The following LHFPL6 variants were observed in gnomAD, a reference collection of about 807,000 sequenced individuals.
The protein encoded by LHFPL6 is LHFPL tetraspan subfamily member 6 protein.
LHFPL6 carries 9 observed loss-of-function variants against 20.6 expected under a neutral mutation model. That is an observed-to-expected ratio of 0.44 (90% CI 0.26 to 0.76). The LOEUF (loss-of-function observed/expected upper bound fraction) is 0.76, where lower values mean the gene tolerates loss of function less well. LHFPL6 is among the 30% of genes least tolerant of loss of function. The pLI, the probability that LHFPL6 is intolerant of heterozygous loss-of-function variation, is 0.20. For missense variants in LHFPL6, 218 were observed against 253.5 expected (o/e 0.86, Z 0.95); for synonymous variants, 105 against 98.7 (o/e 1.06, Z -0.38).
At chr13:39,494,146 A>C (rs1393807932) in intron 2 of LHFPL6, among the ~76,000 whole-genome samples, 8 of 152,202 alleles carry the variant, frequency 5.3e-5, no homozygotes, top group Non-Finnish European at 1.5e-5. Flanking sequence ...GGTGGTGTTC[A>C]TTTATAGTCA....
intron 2 of LHFPL6, among the ~76,000 whole-genome samples, chr13:39,536,915 A>T (rs2138500138): frequency 6.6e-6 from 1 of 152,210 alleles, no homozygotes; most frequent in South Asian, 2.1e-4. Context: ...TCAACTCCTG[A>T]CCCTTAGCTG....
chr13:39,426,994 CTTTA>C (rs1373876962), intron 2 of LHFPL6, among the ~76,000 whole-genome samples: 1 of 150,884 alleles, frequency 6.6e-6, no homozygotes, highest in East Asian at 1.9e-4. Context: ...ATTGTTCTAG[CTTTA>C]TTTATTTAAA....
At chr13:39,496,347 T>A (rs1458978602) in intron 2 of LHFPL6, among the ~76,000 whole-genome samples, 1 of 152,098 alleles carries the variant, frequency 6.6e-6, no homozygotes, top group African/African-American at 2.4e-5. Context: ...TCAACCCTCA[T>A]GACTTAATCA....
intron 2 of LHFPL6, among the ~76,000 whole-genome samples, chr13:39,395,562 T>C (rs1054365696): frequency 6.6e-5 from 10 of 152,200 alleles, no homozygotes; most frequent in African/African-American, 2.4e-4. Context: ...CTGGGCAAAC[T>C]ATTCCCAAGA....
intron 2 of LHFPL6, among the ~76,000 whole-genome samples, chr13:39,536,693 A>C (rs1870629792): frequency 6.6e-6 from 1 of 152,146 alleles, no homozygotes; most frequent in African/African-American, 2.4e-5. Context: ...ATCTTTCATC[A>C]GTATTTCCCT....
intron 3 of LHFPL6, among the ~76,000 whole-genome samples, chr13:39,374,655 G>T (rs758810239): frequency 1.3e-5 from 2 of 152,166 alleles, no homozygotes; most frequent in Non-Finnish European, 2.9e-5. Context: ...ACCCTTTATA[G>T]AAGTGTTTGC....
chr13:39,507,889 C>CCCTTCCTTCCTTCCTTCCTT (rs142738046), intron 2 of LHFPL6, among the ~76,000 whole-genome samples: 10 of 143,616 alleles, frequency 7.0e-5, no homozygotes, highest in Middle Eastern at 3.5e-3. Context: ...TGCCTCCCCT[C>CCCTTCCTTCCTTCCTTCCTT]CCTTCCTTCC....
chr13:39,467,059 A>G (rs550482317), intron 2 of LHFPL6, among the ~76,000 whole-genome samples: 1 of 152,278 alleles, frequency 6.6e-6, no homozygotes, highest in East Asian at 1.9e-4. Context: ...ATAAAATTAG[A>G]CAAGGAGCTA....
At chr13:39,568,331 T>C (rs998935071) in intron 2 of LHFPL6, among the ~76,000 whole-genome samples, 24 of 152,024 alleles carry the variant, frequency 1.6e-4, no homozygotes, top group African/African-American at 5.8e-4. Context: ...AAAAACACCC[T>C]TTTGTGGTAT....
At chr13:39,450,590 G>C (rs961297776) in intron 2 of LHFPL6, among the ~76,000 whole-genome samples, 1 of 152,102 alleles carries the variant, frequency 6.6e-6, no homozygotes, top group African/African-American at 2.4e-5. Context: ...TAGATTCTAA[G>C]AACTTCAAGC....
chr13:39,440,021 G>T (rs1440971698), intron 2 of LHFPL6, among the ~76,000 whole-genome samples: 1 of 152,170 alleles, frequency 6.6e-6, no homozygotes, highest in East Asian at 1.9e-4. Context: ...TTAAGTAACT[G>T]TTTTTAAGTT....
chr13:39,543,005 A>G (rs1487414911), intron 2 of LHFPL6, among the ~76,000 whole-genome samples: 2 of 152,204 alleles, frequency 1.3e-5, no homozygotes, highest in African/African-American at 2.4e-5. Context: ...CCAGTTAAAC[A>G]TGAACTCCAA....
intron 3 of LHFPL6, among the ~76,000 whole-genome samples, chr13:39,368,971 A>C (rs1179378834): frequency 6.6e-6 from 1 of 152,144 alleles, no homozygotes; most frequent in East Asian, 1.9e-4. Context: ...AAAGAATATA[A>C]TGGTTGAGAA....
intron 2 of LHFPL6, among the ~76,000 whole-genome samples, chr13:39,477,505 G>A (rs1028473530): frequency 7.9e-5 from 12 of 152,174 alleles, no homozygotes; most frequent in African/African-American, 2.9e-4. Context: ...TCTGTAAAGA[G>A]CAACGTGACC....
intron 2 of LHFPL6, among the ~76,000 whole-genome samples, chr13:39,479,764 T>A (rs1223740019): frequency 6.6e-6 from 1 of 152,202 alleles, no homozygotes; most frequent in Non-Finnish European, 1.5e-5. Flanking sequence ...CATTTTTATA[T>A]AGTCTGCATA....
chr13:39,359,560 T>C (rs1869823443), intron 3 of LHFPL6, among the ~76,000 whole-genome samples: 1 of 152,174 alleles, frequency 6.6e-6, no homozygotes, highest in Non-Finnish European at 1.5e-5. Flanking sequence ...TGTTCTCATT[T>C]ATAAATGGGG....
chr13:39,452,834 C>T (rs998336752), intron 2 of LHFPL6, among the ~76,000 whole-genome samples: 1 of 152,182 alleles, frequency 6.6e-6, no homozygotes, highest in African/African-American at 2.4e-5. Flanking sequence ...ATAGGGCATC[C>T]TAGTCTTTTT....
intron 2 of LHFPL6, among the ~76,000 whole-genome samples, chr13:39,511,205 C>CA (rs969815385): frequency 4.0e-5 from 6 of 149,638 alleles, no homozygotes; most frequent in African/African-American, 9.8e-5. Context: ...TTCAAATGGA[C>CA]AAAAAAAAAG....
At position 39,343,889 on chromosome 13, in the gene LHFPL6, G is replaced by A. The variant is rs760704724; in HGVS notation, c.*47C>T. On this transcript the variant is annotated 3_prime_UTR_variant, in exon 4 of 4. Coordinates refer to ENST00000379589, the MANE Select transcript of LHFPL6 (RefSeq NM_005780.3). Reference sequence around the variant, plus strand: ...TAGGTGGATGTTTTGACCTCTCCAAGCCCCTTTGGCCCATCTTCTCCTCTG... The same window carrying A: ...TAGGTGGATGTTTTGACCTCTCCAAACCCCTTTGGCCCATCTTCTCCTCTG... 25 of 1,464,954 alleles carry A rather than the reference G, an allele frequency of 1.7e-5. No homozygotes were observed. In the South Asian group the frequency reaches 2.8e-4, roughly 16 times the overall value. The allele number at this position is 1,464,954 out of a possible 1,614,324, so 90.7% of individuals were successfully genotyped here. A position where few individuals can be genotyped will look rare whatever the true frequency, so the allele number is the denominator to read the frequency against.
Sources: gnomAD v4.1 joint callset for allele counts (sites outside exome capture counted in the v4.1 genomes callset) on GRCh38, gnomAD v4.1.1 for gene constraint, MANE v1.5 for transcripts, NCBI Gene and HGNC (gene_info 2026-07-23, HGNC 2026-07-21) for gene names.